The following CWC27 variants were observed in gnomAD, a reference collection of about 807,000 sequenced individuals.
The protein encoded by CWC27 is spliceosome-associated protein CWC27 homolog.
A neutral mutation model predicts 63.6 loss-of-function variants in CWC27; 47 were observed. The ratio of observed to expected loss-of-function variants is 0.74; its 90% CI spans 0.58 to 0.94. CWC27 has a LOEUF of 0.94. Ranked by LOEUF, CWC27 falls within the 40% of genes least tolerant of loss-of-function variation. CWC27 has a pLI of 0.00. For missense variants in CWC27, 495 were observed against 554.3 expected (o/e 0.89, Z 1.07); for synonymous variants, 175 against 179.8 (o/e 0.97, Z 0.22).
intron 11 of CWC27, among the ~76,000 whole-genome samples, chr5:64,928,967 T>C (rs539971315): frequency 6.6e-6 from 1 of 151,828 alleles, no homozygotes; most frequent in East Asian, 1.9e-4. Context: ...GCTTTGTCTT[T>C]TTTTTTTTTG....
At chr5:65,002,743 G>A (rs923689560) in intron 13 of CWC27, among the ~76,000 whole-genome samples, 1 of 152,064 alleles carries the variant, frequency 6.6e-6, no homozygotes, top group African/African-American at 2.4e-5. Flanking sequence ...ATGTGCTGAT[G>A]AGGAGAATGT....
intron 11 of CWC27, among the ~76,000 whole-genome samples, chr5:64,901,102 C>A (rs1240594387): frequency 6.6e-6 from 1 of 152,010 alleles, no homozygotes; most frequent in African/African-American, 2.4e-5. Context: ...AGATTGGATA[C>A]CCCTGGTATA....
At chr5:64,784,129 A>G (rs1263184892) in intron 4 of CWC27, 150 bp downstream of exon 4, 2 of 692,126 alleles carry the variant, frequency 2.9e-6, no homozygotes, top group Non-Finnish European at 4.4e-6. Context: ...AAATGATGGA[A>G]TATATTCCTA....
intron 13 of CWC27, among the ~76,000 whole-genome samples, chr5:64,990,512 G>A (rs1161126002): frequency 4.3e-5 from 2 of 46,894 alleles, no homozygotes; most frequent in East Asian, 4.4e-4. Flanking sequence ...TGATCTGCCC[G>A]CCTCGGCCTC....
In CWC27 at chr5:64,870,481, TTAAA is replaced by T. The variant is rs1186936272; in HGVS notation, c.939-14961_939-14958del. On this transcript the variant is annotated intron_variant, in intron 10 of 13. Transcript: ENST00000381070. ...TTTAACAAGTGGATTCTTAAATTGG[TTAAA>T]AAAAAAAAAAAAAATACATGATCCA... 4.8e-3 allele frequency among the ~76,000 whole-genome samples: 600 copies of T among 124,394 alleles called. 6 individuals carry two copies. In the South Asian group the frequency reaches 0.062, roughly 13 times the overall value. The allele number at this position is 124,394 out of a possible 152,430, so 81.6% of individuals were successfully genotyped here.
rs1202810190 is a variant in CWC27 at position 64,977,224 on chromosome 5, A to T, written c.1242A>T (p.Glu414Asp). The T allele has an allele frequency of 6.2e-7, 1 of 1,608,336 alleles. No individual in the cohort carries two copies. The highest frequency in any genetic ancestry group is 8.5e-7 in the Non-Finnish European group (1 of 1,175,436). Residue 414 changes from glutamate to aspartate, a missense_variant, in exon 13 of 14, where the codon GAA becomes GAT. Glu to Asp is a conservative substitution (Grantham distance 45). This residue lies in a region of CWC27 where 463 missense variants were observed against 498.1 expected (regional missense o/e 0.93). Coordinates refer to ENST00000381070, the MANE Select transcript of CWC27 (RefSeq NM_005869.4). ...ATGACATTCCTGAAACAGAAGTAGA[A>T]GATGATGAAGGATGGTAAGGGCTTT... The part of the protein sequence containing the change: ...PENDIPETEV[E>D]DDEGWMSHVL...
At chr5:65,004,931 CA>C (rs1415612676) in intron 13 of CWC27, among the ~76,000 whole-genome samples, 1 of 139,500 alleles carries the variant, frequency 7.2e-6, no homozygotes, top group Non-Finnish European at 1.6e-5. Flanking sequence ...CACACACACA[CA>C]CACTGTTGGT....
intron 10 of CWC27, among the ~76,000 whole-genome samples, chr5:64,865,103 G>A (rs1394726813): frequency 6.9e-6 from 1 of 145,752 alleles, no homozygotes; most frequent in East Asian, 2.0e-4. Flanking sequence ...ACAAAATACA[G>A]TGCAACATGC....
chr5:64,846,668 AT>A (rs960002848), intron 10 of CWC27, among the ~76,000 whole-genome samples: 7 of 152,080 alleles, frequency 4.6e-5, no homozygotes, highest in Admixed American at 3.9e-4. Context: ...GACAAAAAAA[AT>A]TATTTACCAA....
chr5:64,962,459 C>A (rs1748931065), intron 11 of CWC27, among the ~76,000 whole-genome samples: 1 of 152,104 alleles, frequency 6.6e-6, no homozygotes, highest in Non-Finnish European at 1.5e-5. Flanking sequence ...GTTTTAATCT[C>A]ACATTTGGAT....
intron 11 of CWC27, among the ~76,000 whole-genome samples, chr5:64,890,046 A>G (rs1747189317): frequency 6.6e-6 from 1 of 152,198 alleles, no homozygotes; most frequent in Non-Finnish European, 1.5e-5. Context: ...ACCAAACTGA[A>G]CATAGTCACA....
At chr5:64,927,890 C>T (rs1397877783) in intron 11 of CWC27, among the ~76,000 whole-genome samples, 2 of 152,192 alleles carry the variant, frequency 1.3e-5, no homozygotes, top group Non-Finnish European at 2.9e-5. Flanking sequence ...CACGGTGGCT[C>T]ATGCCTGTAA....
chr5:64,999,972 C>T (rs945363122), intron 13 of CWC27, among the ~76,000 whole-genome samples: 10 of 151,982 alleles, frequency 6.6e-5, no homozygotes, highest in African/African-American at 2.4e-4. Flanking sequence ...TAAGAGTTAC[C>T]TTTCTCTGCA....
At chr5:64,883,599 T>C (rs1239193081) in intron 10 of CWC27, among the ~76,000 whole-genome samples, 1 of 152,146 alleles carries the variant, frequency 6.6e-6, no homozygotes, top group East Asian at 1.9e-4. Context: ...AAGGAAGGAA[T>C]AATTAACATC....
At chr5:64,866,232 C>T (rs1746528561) in intron 10 of CWC27, among the ~76,000 whole-genome samples, 1 of 151,982 alleles carries the variant, frequency 6.6e-6, no homozygotes, top group African/African-American at 2.4e-5. Context: ...GATTCAGAAA[C>T]CAAAGCTGGT....
At chr5:64,918,611 A>G (rs895578460) in intron 11 of CWC27, among the ~76,000 whole-genome samples, 7 of 152,214 alleles carry the variant, frequency 4.6e-5, no homozygotes, top group African/African-American at 9.6e-5. Flanking sequence ...GATGATGCTT[A>G]AATTCTTTTT....
At chr5:64,792,536 CT>C (rs951751919) in intron 7 of CWC27, among the ~76,000 whole-genome samples, 3 of 152,082 alleles carry the variant, frequency 2.0e-5, no homozygotes, top group Admixed American at 6.6e-5. Flanking sequence ...TTTTAAAAAT[CT>C]TTTTTTTCTT....
chr5:64,794,700 A>G lies in CWC27; in HGVS notation c.670-5548A>G, dbSNP rs147195341. Among the ~76,000 whole-genome samples the G allele has an allele frequency of 3.5e-3, 537 of 152,288 alleles. 2 individuals are homozygous for G. The highest frequency in any genetic ancestry group is 0.013 in the African/African-American group (524 of 41,582). On this transcript the variant is annotated intron_variant, in intron 7 of 13. Coordinates refer to ENST00000381070, the MANE Select transcript of CWC27 (RefSeq NM_005869.4). The stretch of plus-strand genomic sequence containing the variant: ...TAAAACTAAGTGAAAATATGATCCT[A>G]GACTTCAAATATTTGAAATATTTTT...
chr5:64,850,319 C>G (rs1293637981), intron 10 of CWC27, among the ~76,000 whole-genome samples: 1 of 151,412 alleles, frequency 6.6e-6, no homozygotes, highest in African/African-American at 2.4e-5. Context: ...GACAAAGGGC[C>G]AAAAACCTGC....
Sources: gnomAD v4.1 joint callset for allele counts (sites outside exome capture counted in the v4.1 genomes callset) on GRCh38, gnomAD v4.1.1 for gene constraint, gnomAD v4.1.1 regional missense constraint, MANE v1.5 for transcripts, NCBI Gene and HGNC (gene_info 2026-07-23, HGNC 2026-07-21) for gene names.